IL1RAPL1: variants seen among roughly 807,000 people sequenced by gnomAD.
IL1RAPL1 encodes interleukin-1 receptor accessory protein-like 1.
IL1RAPL1 carries 3 observed loss-of-function variants against 48.4 expected under a neutral mutation model. The observed-to-expected ratio is 0.06, with a 90% CI of 0.03 to 0.16. The LOEUF (loss-of-function observed/expected upper bound fraction) is 0.16, where lower values mean the gene tolerates loss of function less well. Among genes scored for constraint, IL1RAPL1 ranks in the 10% least tolerant of loss-of-function variants. The pLI, the probability that IL1RAPL1 is intolerant of heterozygous loss-of-function variation, is 1.00. For missense variants in IL1RAPL1, 349 were observed against 530.6 expected (o/e 0.66, Z 3.36); for synonymous variants, 185 against 187.7 (o/e 0.99, Z 0.12).
intron 2 of IL1RAPL1, among the ~76,000 whole-genome samples, chrX:28,876,347 T>C (rs752250781): frequency 8.9e-6 from 1 of 111,990 alleles, no homozygotes; most frequent in Admixed American, 9.5e-5. Context: ...TGTCCACAAC[T>C]CTTTGGCCAG....
intron 2 of IL1RAPL1, among the ~76,000 whole-genome samples, chrX:29,196,537 A>C (rs953977802): frequency 9.0e-6 from 1 of 111,602 alleles, no homozygotes; most frequent in African/African-American, 3.3e-5. Context: ...CTGACAATGG[A>C]GGAGATTGGA....
At chrX:29,153,943 A>G (rs897726980) in intron 2 of IL1RAPL1, among the ~76,000 whole-genome samples, 1 of 112,323 alleles carries the variant, frequency 8.9e-6, no homozygotes, top group Non-Finnish European at 1.9e-5. Context: ...ATACCATAGA[A>G]AAATTAGAGA....
At chrX:29,386,765 A>G (rs188387871) in intron 3 of IL1RAPL1, among the ~76,000 whole-genome samples, 158 of 108,861 alleles carry the variant, frequency 1.5e-3, no homozygotes, top group African/African-American at 5.1e-3. Context: ...CTGGTCTTGA[A>G]CTCCTGGGCT....
At chrX:29,587,984 C>G (rs1037992333) in intron 5 of IL1RAPL1, among the ~76,000 whole-genome samples, 1 of 112,356 alleles carries the variant, frequency 8.9e-6, no homozygotes, top group Non-Finnish European at 1.9e-5. Context: ...TATTTGGCTC[C>G]AATTCTACCA....
chrX:29,873,909 A>G (rs773254606), intron 6 of IL1RAPL1, among the ~76,000 whole-genome samples: 1 of 112,260 alleles, frequency 8.9e-6, no homozygotes, highest in East Asian at 2.8e-4. Context: ...GTGCCTGTTC[A>G]ATCAACTCTT....
At chrX:29,629,774 C>T (rs1924715399) in intron 5 of IL1RAPL1, among the ~76,000 whole-genome samples, 1 of 111,909 alleles carries the variant, frequency 8.9e-6, no homozygotes, top group Non-Finnish European at 1.9e-5. Flanking sequence ...TTTTCCTTTG[C>T]AAACAAAGAA....
intron 2 of IL1RAPL1, among the ~76,000 whole-genome samples, chrX:28,911,082 A>G (rs1203456653): frequency 2.7e-5 from 3 of 111,697 alleles, no homozygotes; most frequent in Admixed American, 1.9e-4. Flanking sequence ...TATTAAAATT[A>G]GATGACGAAT....
At chrX:28,862,147 C>T (rs1348290985) in intron 2 of IL1RAPL1, among the ~76,000 whole-genome samples, 1 of 112,007 alleles carries the variant, frequency 8.9e-6, no homozygotes, top group African/African-American at 3.2e-5. Flanking sequence ...GATTAGTCAA[C>T]AGCTTTGGTT....
intron 1 of IL1RAPL1, among the ~76,000 whole-genome samples, chrX:28,766,999 CAT>C (rs1237070975): frequency 9.0e-6 from 1 of 111,580 alleles, no homozygotes; most frequent in Admixed American, 9.6e-5. Flanking sequence ...CTGCAACAAA[CAT>C]AGGAATGTAG....
At chrX:29,383,714 A>C (rs1008095148) in intron 3 of IL1RAPL1, among the ~76,000 whole-genome samples, 1 of 112,138 alleles carries the variant, frequency 8.9e-6, no homozygotes, top group African/African-American at 3.2e-5. Flanking sequence ...AGAAATCTCT[A>C]AAAATTACAT....
At chrX:29,313,365 T>A (rs2147620580) in intron 3 of IL1RAPL1, among the ~76,000 whole-genome samples, 1 of 110,999 alleles carries the variant, frequency 9.0e-6, no homozygotes, top group Admixed American at 9.6e-5. Flanking sequence ...TCTCTGTACC[T>A]TCCTTTCTAT....
intron 1 of IL1RAPL1, among the ~76,000 whole-genome samples, chrX:28,660,387 A>G (rs769815047): frequency 9.0e-6 from 1 of 110,983 alleles, no homozygotes; most frequent in Admixed American, 9.7e-5. Flanking sequence ...GATAAGAATT[A>G]AATATGTAGA....
chrX:28,994,380 A>G (rs781559865), intron 2 of IL1RAPL1, among the ~76,000 whole-genome samples: 7 of 111,778 alleles, frequency 6.3e-5, no homozygotes, highest in African/African-American at 2.3e-4. Flanking sequence ...GATTGCCGGA[A>G]TGACTGGAAG....
chrX:29,077,608 GAA>G (rs529366182), intron 2 of IL1RAPL1, among the ~76,000 whole-genome samples: 2 of 41,424 alleles, frequency 4.8e-5, no homozygotes. Context: ...GTCTCAAAAA[GAA>G]AAAAAAAAAA....
At chrX:29,498,565 T>C (rs1935239095) in intron 5 of IL1RAPL1, among the ~76,000 whole-genome samples, 1 of 111,904 alleles carries the variant, frequency 8.9e-6, no homozygotes. Flanking sequence ...TTTTTGTTTT[T>C]TAAATTGTGG....
intron 2 of IL1RAPL1, among the ~76,000 whole-genome samples, chrX:29,003,024 G>GA (rs1320268187): frequency 3.6e-5 from 4 of 110,514 alleles, no homozygotes; most frequent in East Asian, 2.8e-4. Context: ...ACAAACAAGG[G>GA]AAAAAAATCA....
intron 2 of IL1RAPL1, among the ~76,000 whole-genome samples, chrX:28,803,790 A>C (rs1177039374): frequency 8.9e-6 from 1 of 112,373 alleles, no homozygotes; most frequent in African/African-American, 3.2e-5. Flanking sequence ...GTTAACAAGC[A>C]TTTATTGAAT....
intron 1 of IL1RAPL1, among the ~76,000 whole-genome samples, chrX:28,704,199 C>G (rs1935335404): frequency 9.0e-6 from 1 of 111,515 alleles, no homozygotes; most frequent in Admixed American, 9.6e-5. Flanking sequence ...GTCTATTAAA[C>G]TATGGCAACT....
chrX:28,685,702 T>C (rs1935102088), intron 1 of IL1RAPL1, among the ~76,000 whole-genome samples: 1 of 111,892 alleles, frequency 8.9e-6, no homozygotes, highest in African/African-American at 3.2e-5. Flanking sequence ...GGTGCATCTT[T>C]TATTCATTGG....
Sources: allele counts gnomAD v4.1 joint callset (sites outside exome capture counted in the v4.1 genomes callset), GRCh38; gene constraint gnomAD v4.1.1; transcripts MANE v1.5; gene names NCBI Gene and HGNC (gene_info 2026-07-23, HGNC 2026-07-21).